The following NEK7 variants were observed in gnomAD, a reference collection of about 807,000 sequenced individuals.
NEK7 encodes serine/threonine-protein kinase Nek7.
Under a neutral mutation model 44.6 loss-of-function variants are expected in NEK7, and 18 were observed. The ratio of observed to expected loss-of-function variants is 0.40; its 90% confidence interval spans 0.28 to 0.60. The LOEUF (loss-of-function observed/expected upper bound fraction) is 0.60, where lower values mean the gene tolerates loss of function less well. Ranked by LOEUF, NEK7 falls within the 20% of genes least tolerant of loss-of-function variation. The pLI is 0.38. For synonymous variants in NEK7, 130 were observed against 121.1 expected (o/e 1.07, Z -0.48); for missense variants, 256 against 366.5 (o/e 0.70, Z 2.46).
chr1:198,229,440 C>G (rs778805698), intron 1 of NEK7, among the ~76,000 whole-genome samples: 1 of 152,190 alleles, frequency 6.6e-6, no homozygotes, highest in Non-Finnish European at 1.5e-5. Context: ...CAGGGGAACC[C>G]CAACTTGACG....
intron 1 of NEK7, among the ~76,000 whole-genome samples, chr1:198,184,711 C>G (rs899829137): frequency 6.6e-6 from 1 of 152,118 alleles, no homozygotes; most frequent in East Asian, 1.9e-4. Context: ...CTGTGTTGCC[C>G]AGGCTGGAGT....
intron 3 of NEK7, chr1:198,256,481 A>G (rs1470323245): frequency 6.3e-6 from 10 of 1,590,074 alleles, no homozygotes; most frequent in Non-Finnish European, 8.5e-6. Flanking sequence ...TTCATTTGCA[A>G]AAAAATAAGA....
chr1:198,207,892 GA>G (rs1393768828), intron 1 of NEK7, among the ~76,000 whole-genome samples: 21 of 152,128 alleles, frequency 1.4e-4, no homozygotes, highest in Admixed American at 1.4e-3. Context: ...AAATAAAAAT[GA>G]AATAAAGATA....
chr1:198,253,247 A>G (rs946589087), intron 3 of NEK7, 67 bp downstream of exon 3: 6 of 1,064,118 alleles, frequency 5.6e-6, no homozygotes, highest in Non-Finnish European at 6.9e-6. Context: ...TGAGAAAAGT[A>G]TATCCTGAAT....
chr1:198,240,988 C>T (rs1446455310), intron 2 of NEK7, among the ~76,000 whole-genome samples: 13 of 152,324 alleles, frequency 8.5e-5, no homozygotes, highest in African/African-American at 9.6e-5. Context: ...CCACCACTCC[C>T]GGCCAAGACC....
chr1:198,178,690 TTGTTG>T (rs1558043544), intron 1 of NEK7, among the ~76,000 whole-genome samples: 2 of 144,694 alleles, frequency 1.4e-5, no homozygotes, highest in Non-Finnish European at 3.0e-5. Context: ...CCATTTTTTG[TTGTTG>T]TTGTTGTTGT....
At chr1:198,230,431 CAT>C (rs370968064) in intron 1 of NEK7, among the ~76,000 whole-genome samples, 5 of 151,842 alleles carry the variant, frequency 3.3e-5, no homozygotes, top group African/African-American at 1.2e-4. Context: ...AAAGAAAAAA[CAT>C]GTAATCATTT....
In NEK7 at chr1:198,202,156, A is replaced by G. The variant is rs569126712; in HGVS notation, c.-28-30397A>G. Among the ~76,000 whole-genome samples the G allele has an allele frequency of 6.7e-4, 102 of 152,268 alleles. 1 individual carries two copies. Among genetic ancestry groups the G allele is most frequent in the African/African-American group, 2.3e-3 (96 of 41,550 alleles). On this transcript the variant is annotated intron_variant, in intron 1 of 9. Coordinates refer to ENST00000367385, the MANE Select transcript of NEK7 (RefSeq NM_133494.3). Reference sequence around the variant, plus strand: ...ATAACTCAGACGTAGCCTCAGCAGCACTAGAGATCCACATTAGTTACACTG... The same window carrying G: ...ATAACTCAGACGTAGCCTCAGCAGCGCTAGAGATCCACATTAGTTACACTG...
chr1:198,293,128 G>A (rs545297937), intron 8 of NEK7, 89 bp downstream of exon 8: 2 of 662,062 alleles, frequency 3.0e-6, no homozygotes, highest in South Asian at 2.4e-5. Context: ...CTTTTTTCTG[G>A]ATGTTTAAGA....
Position 198,295,263 on chromosome 1 carries a change from G to T in NEK7, c.685-1864G>T, listed in dbSNP as rs1385326219. On this transcript the variant is annotated intron_variant, in intron 8 of 9. Coordinates refer to ENST00000367385, the MANE Select transcript of NEK7 (RefSeq NM_133494.3). The stretch of plus-strand genomic sequence containing the variant: ...TTGCATCCTTACAGGGTTGTAGGTT[G>T]GTGGCTTACAGTTCAAAAAAAAAGA... Among the ~76,000 whole-genome samples, 18 of 152,084 alleles carry T rather than the reference G, an allele frequency of 1.2e-4. 1 individual carries two copies.
chr1:198,319,563 G>C lies in NEK7; in HGVS notation c.*41G>C. ...AAGAGTGTAACCAAAGTAATTGAAA[G>C]TATTTTGTGCAAGTCATACCTCCCC... is the stretch of plus-strand genomic sequence containing the variant. On this transcript the variant is annotated 3_prime_UTR_variant, in exon 10 of 10. Coordinates refer to ENST00000367385, the MANE Select transcript of NEK7 (RefSeq NM_133494.3). 6.4e-7 allele frequency: 1 copy of C among 1,564,038 alleles called. No homozygotes were observed. The highest frequency in any genetic ancestry group is 8.7e-7 in the Non-Finnish European group (1 of 1,154,484).
chr1:198,158,059 CCT>C (rs1663969065), intron 1 of NEK7, among the ~76,000 whole-genome samples: 1 of 152,160 alleles, frequency 6.6e-6, no homozygotes, highest in South Asian at 2.1e-4. Context: ...ACTTCTGTTG[CCT>C]CTGTTACACT....
chr1:198,315,082 G>C (rs12046569), intron 9 of NEK7, among the ~76,000 whole-genome samples: 78,018 of 152,006 alleles, frequency 0.51, 22,746 homozygotes, highest in East Asian at 0.9. Context: ...TAGCAATCAG[G>C]GAGACTCCAT....
At chr1:198,172,800 C>T (rs1225707809) in intron 1 of NEK7, among the ~76,000 whole-genome samples, 2 of 151,084 alleles carry the variant, frequency 1.3e-5, no homozygotes, top group Non-Finnish European at 2.9e-5. Context: ...ATATTAACCA[C>T]ATCAGCTTAG....
Sources: gnomAD v4.1 joint callset for allele counts (sites outside exome capture counted in the v4.1 genomes callset) on GRCh38, gnomAD v4.1.1 for gene constraint, MANE v1.5 for transcripts, NCBI Gene and HGNC (gene_info 2026-07-23, HGNC 2026-07-21) for gene names.